The following ABLIM1 variants were observed in gnomAD, a reference collection of about 807,000 sequenced individuals.
ABLIM1 encodes actin binding LIM protein 1, also known as actin-binding LIM protein 1.
A neutral mutation model predicts 107.0 loss-of-function variants in ABLIM1; 40 were observed. That is an observed-to-expected ratio of 0.37 (90% CI 0.29 to 0.49). The LOEUF (loss-of-function observed/expected upper bound fraction) is 0.49. ABLIM1 is among the 20% of genes least tolerant of loss of function. ABLIM1 has a pLI of 0.97. For synonymous variants in ABLIM1, 357 were observed against 357.3 expected (o/e 1.00, Z 0.01); for missense variants, 857 against 1,008.5 (o/e 0.85, Z 2.04).
chr10:114,547,546 T>C (rs890895237), intron 5 of ABLIM1, 104 bp downstream of exon 5: 1 of 1,461,096 alleles, frequency 6.8e-7, no homozygotes, highest in Non-Finnish European at 9.2e-7. Context: ...ATGTGAACAA[T>C]TTCAGCACCA....
intron 4 of ABLIM1, among the ~76,000 whole-genome samples, chr10:114,564,203 C>T (rs2497742): frequency 0.35 from 52,509 of 151,420 alleles, 11,365 homozygotes; most frequent in African/African-American, 0.61. Flanking sequence ...TATCTTCCAA[C>T]TTCACTTCTC....
At chr10:114,787,246 C>A in the ABLIM1 span, among the ~76,000 whole-genome samples, 1 of 151,262 alleles carries the variant, frequency 6.6e-6, no homozygotes, top group Non-Finnish European at 1.5e-5. Context: ...AAGCGAGGAG[C>A]CTCTCCGCCT....
chr10:114,452,344 A>C (rs1486060618), intron 13 of ABLIM1, among the ~76,000 whole-genome samples: 1 of 152,064 alleles, frequency 6.6e-6, no homozygotes, highest in African/African-American at 2.4e-5. Context: ...ATACTCAGGA[A>C]ATTTCAAAAG....
chr10:114,574,449 A>AT (rs796802241), intron 3 of ABLIM1, among the ~76,000 whole-genome samples: 2 of 150,458 alleles, frequency 1.3e-5, no homozygotes, highest in African/African-American at 4.9e-5. Flanking sequence ...ATTTTATTTT[A>AT]TTTTTTTTGA....
intron 6 of ABLIM1, among the ~76,000 whole-genome samples, chr10:114,535,495 G>C (rs1174886486): frequency 6.6e-6 from 1 of 152,150 alleles, no homozygotes; most frequent in African/African-American, 2.4e-5. Flanking sequence ...ACTTTTAGTA[G>C]AGATGGGGTT....
upstream of ABLIM1, among the ~76,000 whole-genome samples, chr10:114,769,744 T>C (rs2083000448): frequency 6.6e-6 from 1 of 152,156 alleles, no homozygotes; most frequent in East Asian, 1.9e-4. Flanking sequence ...TAATTGAGCA[T>C]TGTTGAAAAA....
At chr10:114,476,367 C>T (rs1055381793) in intron 8 of ABLIM1, among the ~76,000 whole-genome samples, 3 of 152,074 alleles carry the variant, frequency 2.0e-5, no homozygotes, top group Non-Finnish European at 2.9e-5. Flanking sequence ...GCAGGCTGGG[C>T]GCAGTGGCTC....
At chr10:114,526,768 G>C (rs975205559) in intron 6 of ABLIM1, 1 of 985,432 alleles carries the variant, frequency 1.0e-6, no homozygotes, top group African/African-American at 1.7e-5. Context: ...GTAGATGCCA[G>C]ACCTCAGCCC....
intron 15 of ABLIM1, among the ~76,000 whole-genome samples, chr10:114,446,362 A>G (rs997080371): frequency 3.3e-5 from 5 of 152,220 alleles, no homozygotes; most frequent in African/African-American, 1.2e-4. Context: ...TAATACAGGT[A>G]CAATTTTACT....
At chr10:114,455,113 TA>T (rs1332732628) in intron 12 of ABLIM1, among the ~76,000 whole-genome samples, 1 of 152,216 alleles carries the variant, frequency 6.6e-6, no homozygotes, top group African/African-American at 2.4e-5. Context: ...ACCGTTTGAA[TA>T]TACATTTAAG....
intron 21 of ABLIM1, among the ~76,000 whole-genome samples, chr10:114,438,665 G>A (rs1389619540): frequency 6.6e-6 from 1 of 152,190 alleles, no homozygotes; most frequent in Non-Finnish European, 1.5e-5. Flanking sequence ...GGCCAGGCAG[G>A]CCCAGAAGCA....
rs183726992 is a variant in ABLIM1 at position 114,484,756 on chromosome 10, C to T, written c.1041+3202G>A. On this transcript the variant is annotated intron_variant, in intron 8 of 22. Transcript: ENST00000533213. ...TTCCCGGCTGCACACTTCACATCTC[C>T]TCATCAGGTCCACCACTTTCTCCTC... Among the ~76,000 whole-genome samples the T allele has an allele frequency of 7.2e-5, 11 of 152,316 alleles. No homozygotes were observed. The East Asian group carries it at 2.1e-3, about 29-fold the overall frequency.
intron 1 of ABLIM1, among the ~76,000 whole-genome samples, chr10:114,623,565 T>C (rs1262196169): frequency 1.3e-5 from 2 of 152,314 alleles, no homozygotes; most frequent in East Asian, 3.9e-4. Flanking sequence ...GTAGGGCTGG[T>C]CATTTTACCC....
intron 1 of ABLIM1, chr10:114,631,844 C>T (rs760774946): frequency 7.7e-7 from 1 of 1,297,530 alleles, no homozygotes; most frequent in Non-Finnish European, 1.0e-6. Context: ...GGTGGCCGAG[C>T]CCTGCGGTGC....
chr10:114,724,642 G>A (rs1461343067), intron 1 of ABLIM1, among the ~76,000 whole-genome samples: 1 of 152,178 alleles, frequency 6.6e-6, no homozygotes, highest in East Asian at 1.9e-4. Flanking sequence ...CTTCCAAGGT[G>A]AAGATGGTCC....
intron 21 of ABLIM1, 131 bp downstream of exon 21, chr10:114,439,045 G>T: frequency 9.8e-7 from 1 of 1,022,572 alleles, no homozygotes; most frequent in Non-Finnish European, 1.5e-6. Flanking sequence ...ATGGCAAGGT[G>T]CATATTCATG....
intron 1 of ABLIM1, among the ~76,000 whole-genome samples, chr10:114,727,235 G>C (rs1294816464): frequency 1.3e-5 from 2 of 152,148 alleles, no homozygotes; most frequent in Non-Finnish European, 2.9e-5. Context: ...CACCCAGAAA[G>C]AATAGTTTCA....
In ABLIM1 at chr10:114,740,656, T is replaced by C. The variant is rs560826524; in HGVS notation, c.-213+27405A>G. On this transcript the variant is annotated intron_variant, in intron 1 of 15. Transcript: ENST00000651092. The stretch of plus-strand genomic sequence containing the variant: ...AGACAGTAACTTGGATACTATTAGA[T>C]ACAGTAATTTCAATAGTATATATAT... Among the ~76,000 whole-genome samples the C allele has an allele frequency of 2.0e-4, 31 of 152,248 alleles. No homozygotes were observed. In the South Asian group the frequency reaches 6.4e-3, roughly 32 times the overall value.
At chr10:114,759,588 C>G (rs2082701495) in intron 1 of ABLIM1, among the ~76,000 whole-genome samples, 1 of 152,180 alleles carries the variant, frequency 6.6e-6, no homozygotes, top group South Asian at 2.1e-4. Flanking sequence ...CCTCAGCACA[C>G]CAACTTGCCA....
Sources: gnomAD v4.1 joint callset for allele counts (sites outside exome capture counted in the v4.1 genomes callset) on GRCh38, gnomAD v4.1.1 for gene constraint, MANE v1.5 for transcripts, NCBI Gene and HGNC (gene_info 2026-07-23, HGNC 2026-07-21) for gene names.